The following ATL3 variants were observed in gnomAD, a reference collection of about 807,000 sequenced individuals.
The protein encoded by ATL3 is atlastin GTPase 3, also known as atlastin-3.
Under a neutral mutation model 69.5 loss-of-function variants are expected in ATL3, and 49 were observed. The ratio of observed to expected loss-of-function variants is 0.71; its 90% CI spans 0.56 to 0.89. The LOEUF (loss-of-function observed/expected upper bound fraction) is 0.89. Among genes scored for constraint, ATL3 ranks in the 40% least tolerant of loss-of-function variants. The probability of loss-of-function intolerance (pLI) is 0.00; values close to 1 mark genes in which losing one functional copy is unlikely to be tolerated. For synonymous variants in ATL3, 214 were observed against 224.1 expected, an observed-to-expected ratio of 0.95 and a Z score of 0.40; for missense variants, 606 against 645.7, an observed-to-expected ratio of 0.94 and a Z score of 0.67.
chr11:63,667,532 C>T (rs1409408854), intron 1 of ATL3, among the ~76,000 whole-genome samples: 3 of 152,062 alleles, frequency 2.0e-5, no homozygotes, highest in Middle Eastern at 3.4e-3. Flanking sequence ...GAGGCCAAGG[C>T]GGATGGATCA....
chr11:63,669,547 AAAAAG>A (rs1014038877), intron 1 of ATL3, among the ~76,000 whole-genome samples: 1 of 151,966 alleles, frequency 6.6e-6, no homozygotes, highest in African/African-American at 2.4e-5. Context: ...CAGAAGAAAA[AAAAAG>A]AAAAGAAAAA....
At position 63,625,699 on chromosome 11, in the gene ATL3, A is replaced by C. The variant is rs553085140; in HGVS notation, c.*3620T>G. The stretch of plus-strand genomic sequence containing the variant: ...TTCATGTAAGAGAAAAAATAAAGCA[A>C]AACAAGGCCAGGTTCCAGTGGCTCA... On this transcript the variant is annotated 3_prime_UTR_variant, in exon 13 of 13. Transcript: ENST00000398868. The C allele has an allele frequency of 2.7e-4, 41 of 152,390 alleles. 1 individual carries two copies. Among genetic ancestry groups the C allele is most frequent in the African/African-American group, 9.9e-4 (41 of 41,588 alleles). The allele number at this position is 152,390 out of a possible 1,614,324, so 9.4% of individuals were successfully genotyped here. A position where few individuals can be genotyped will look rare whatever the true frequency, so the allele number is the denominator to read the frequency against.
rs1484208812 is a variant in ATL3, at chr11:63,624,626, ACT to A, written c.*4691_*4692del. ...GGTTCAAGTCACAGTGCTGAATTTT[ACT>A]TTTTAAAAGAAAAACTATCAAAAAT... On this transcript the variant is annotated 3_prime_UTR_variant, in exon 13 of 13. Coordinates refer to ENST00000398868, the MANE Select transcript of ATL3 (RefSeq NM_015459.5). The A allele has an allele frequency of 6.6e-6, 1 of 152,208 alleles. No homozygotes were observed. The highest frequency in any genetic ancestry group is 1.9e-4 in the East Asian group (1 of 5,200). The allele number at this position is 152,208 out of a possible 1,614,324, so 9.4% of individuals were successfully genotyped here. A position where few individuals can be genotyped will look rare whatever the true frequency, so the allele number is the denominator to read the frequency against.
intron 3 of ATL3, among the ~76,000 whole-genome samples, chr11:63,656,250 A>C (rs189395241): frequency 4.6e-5 from 7 of 152,032 alleles, no homozygotes; most frequent in Admixed American, 2.6e-4. Flanking sequence ...CTACATCAAA[A>C]CACATAATAA....
chr11:63,671,414 G>C, upstream of ATL3: 1 of 1,519,342 alleles, frequency 6.6e-7, no homozygotes. Context: ...ACCGGGCCCT[G>C]GAAGCGGGAA....
chr11:63,645,940 G>T (rs1298257346), intron 6 of ATL3, among the ~76,000 whole-genome samples: 1 of 151,852 alleles, frequency 6.6e-6, no homozygotes, highest in Admixed American at 6.6e-5. Context: ...GCTGATTTTT[G>T]TATTTTTAGT....
chr11:63,642,064 T>C (rs1939718082), intron 8 of ATL3, among the ~76,000 whole-genome samples: 1 of 152,116 alleles, frequency 6.6e-6, no homozygotes, highest in Non-Finnish European at 1.5e-5. Flanking sequence ...TCCTAAACAA[T>C]ATATTACCTA....
intron 1 of ATL3, 134 bp downstream of exon 1, chr11:63,671,156 C>A: frequency 7.1e-7 from 1 of 1,399,910 alleles, no homozygotes. Flanking sequence ...ACCGAGTGAC[C>A]CCGGCGAGGG....
chr11:63,632,599 CA>C (rs1418523362), intron 11 of ATL3: 2 of 861,156 alleles, frequency 2.3e-6, no homozygotes, highest in Admixed American at 3.4e-5. Flanking sequence ...CTACAGATTC[CA>C]GTTACTATGG....
chr11:63,664,482 G>C (rs1408285541), intron 1 of ATL3, among the ~76,000 whole-genome samples: 1 of 151,624 alleles, frequency 6.6e-6, no homozygotes, highest in Non-Finnish European at 1.5e-5. Context: ...AGAGGTTGCT[G>C]TGAGCCAACA....
At chr11:63,647,727 C>A (rs1478605456) in intron 5 of ATL3, among the ~76,000 whole-genome samples, 1 of 152,178 alleles carries the variant, frequency 6.6e-6, no homozygotes, top group Non-Finnish European at 1.5e-5. Flanking sequence ...ACCTCTAAAT[C>A]TTCAGGAAGC....
chr11:63,645,435 A>C (rs1224376653), intron 6 of ATL3, among the ~76,000 whole-genome samples: 2 of 152,066 alleles, frequency 1.3e-5, no homozygotes, highest in African/African-American at 4.8e-5. Context: ...AAAAGAAATA[A>C]GGCTTACACA....
chr11:63,657,199 A>C (rs368326477), intron 3 of ATL3, among the ~76,000 whole-genome samples: 1 of 144,970 alleles, frequency 6.9e-6, no homozygotes. Context: ...ACAGAGTGAG[A>C]CTACATCTCA....
At chr11:63,660,708 C>T (rs1264149086) in intron 1 of ATL3, among the ~76,000 whole-genome samples, 1 of 151,932 alleles carries the variant, frequency 6.6e-6, no homozygotes, top group Non-Finnish European at 1.5e-5. Context: ...AGTTCAAGAC[C>T]AACCTGGACA....
intron 3 of ATL3, among the ~76,000 whole-genome samples, chr11:63,653,009 G>C (rs1940128751): frequency 6.6e-6 from 1 of 151,918 alleles, no homozygotes; most frequent in Non-Finnish European, 1.5e-5. Flanking sequence ...GGGCAACATA[G>C]TGAGACCCAG....
chr11:63,668,501 T>C lies in ATL3; in HGVS notation c.46+2789A>G, dbSNP rs145457058. Among the ~76,000 whole-genome samples the C allele has an allele frequency of 1.2e-3, 182 of 152,360 alleles. 1 individual carries two copies. The highest frequency in any genetic ancestry group is 4.2e-3 in the African/African-American group (174 of 41,586). ...CCAGAATACTGGGCAAATTTTATATTTGTCTGTTGTAGAAAATCTTTTCGC... is the reference window on the plus strand; with the variant it reads ...CCAGAATACTGGGCAAATTTTATATCTGTCTGTTGTAGAAAATCTTTTCGC... On this transcript the variant is annotated intron_variant, in intron 1 of 12. Transcript: ENST00000398868.
At chr11:63,646,060 A>G (rs539043441) in intron 6 of ATL3, among the ~76,000 whole-genome samples, 4 of 6,034 alleles carry the variant, frequency 6.6e-4, no homozygotes, top group South Asian at 7.6e-3. Flanking sequence ...CACTGTACCT[A>G]CCCCCATTTT....
At chr11:63,667,275 T>C (rs1266855654) in intron 1 of ATL3, among the ~76,000 whole-genome samples, 1 of 152,190 alleles carries the variant, frequency 6.6e-6, no homozygotes, top group Admixed American at 6.5e-5. Flanking sequence ...GATAATATTC[T>C]ATCACTCATC....
At chr11:63,631,856 C>A (rs750895335) in intron 11 of ATL3, among the ~76,000 whole-genome samples, 5 of 152,154 alleles carry the variant, frequency 3.3e-5, no homozygotes, top group African/African-American at 4.8e-5. Context: ...ATGGCAGGCA[C>A]CTGTAATCCC....
Sources: allele counts gnomAD v4.1 joint callset (sites outside exome capture counted in the v4.1 genomes callset), GRCh38; gene constraint gnomAD v4.1.1; transcripts MANE v1.5; gene names NCBI Gene and HGNC (gene_info 2026-07-23, HGNC 2026-07-21).